The following C11orf65 variants were observed in gnomAD, a reference collection of about 807,000 sequenced individuals.
The protein encoded by C11orf65 is protein MFI.
C11orf65 carries 38 observed loss-of-function variants against 35.3 expected under a neutral mutation model. The ratio of observed to expected loss-of-function variants is 1.08; its 90% CI spans 0.83 to 1.41. C11orf65 has a LOEUF of 1.41. Among genes scored for constraint, C11orf65 ranks in the 40% most tolerant of loss-of-function variants. The probability of loss-of-function intolerance (pLI) is 0.00; values close to 1 mark genes in which losing one functional copy is unlikely to be tolerated. For missense variants in C11orf65, 370 were observed against 367.1 expected (o/e 1.01, Z -0.06); for synonymous variants, 105 against 114.4 (o/e 0.92, Z 0.53).
intron 2 of C11orf65, among the ~76,000 whole-genome samples, chr11:108,358,932 C>T (rs968204680): frequency 5.9e-4 from 90 of 151,780 alleles, no homozygotes; most frequent in Non-Finnish European, 9.9e-4. Context: ...CAGGATCAAA[C>T]TCCCACATAA....
At chr11:108,382,719 T>G, downstream of C11orf65, 1 of 951,810 alleles carries the variant, frequency 1.1e-6, no homozygotes, top group Non-Finnish European at 1.3e-6. Context: ...ACTAAATGCC[T>G]CAAGTAAACA....
Position 108,397,033 on chromosome 11 carries a change from TA to T in C11orf65, c.561-3656del, listed in dbSNP as rs2092328046. On this transcript the variant is annotated intron_variant, in intron 6 of 8. Coordinates refer to ENST00000393084, the MANE Select transcript of C11orf65 (RefSeq NM_152587.5). ...AAACTAATGATCTTTTAAAAAGACC[TA>T]AAATTGGCTAGGGTGGTGGCTCACG... 2.6e-5 allele frequency among the ~76,000 whole-genome samples: 4 copies of T among 151,830 alleles called. 1 individual carries two copies. The South Asian group carries it at 8.3e-4, about 32-fold the overall frequency.
chr11:108,342,708 C>G (rs1202252881), intron 2 of C11orf65, among the ~76,000 whole-genome samples: 1 of 152,102 alleles, frequency 6.6e-6, no homozygotes, highest in African/African-American at 2.4e-5. Context: ...AAAAAACTTT[C>G]CTAGTAAAGT....
intron 6 of C11orf65, among the ~76,000 whole-genome samples, chr11:108,315,658 TGAACTGTATTTCA>T (rs1280986257): frequency 6.6e-6 from 1 of 152,250 alleles, no homozygotes; most frequent in East Asian, 1.9e-4. Flanking sequence ...TCGTGTTGTT[TGAACTGTATTTCA>T]GAACTGTATT....
At chr11:108,384,325 G>C (rs1180401322) in intron 8 of C11orf65, among the ~76,000 whole-genome samples, 2 of 152,180 alleles carry the variant, frequency 1.3e-5, no homozygotes, top group African/African-American at 2.4e-5. Context: ...TTAATGCTAA[G>C]GATGGCTCAT....
intron 3 of C11orf65, chr11:108,332,917 GA>G (rs1338419767): frequency 6.2e-7 from 1 of 1,607,722 alleles, no homozygotes; most frequent in Admixed American, 1.7e-5. Flanking sequence ...TTTTTTTAAA[GA>G]AGAAACGTTA....
intron 2 of C11orf65, among the ~76,000 whole-genome samples, chr11:108,346,141 TAAA>T (rs1347058962): frequency 1.3e-5 from 2 of 152,132 alleles, no homozygotes; most frequent in Non-Finnish European, 2.9e-5. Context: ...CAATAAATAA[TAAA>T]AAGACAGGGT....
chr11:108,441,540 C>T (rs915912621), intron 2 of C11orf65, among the ~76,000 whole-genome samples: 12 of 152,200 alleles, frequency 7.9e-5, no homozygotes, highest in African/African-American at 2.2e-4. Flanking sequence ...GGGTCCCTGA[C>T]CCCCAAGTAG....
At chr11:108,417,001 T>C (rs1025989227) in intron 3 of C11orf65, among the ~76,000 whole-genome samples, 3 of 152,136 alleles carry the variant, frequency 2.0e-5, no homozygotes, top group African/African-American at 7.2e-5. Context: ...AAGTCAAATA[T>C]GCATGTTGCA....
At chr11:108,349,754 G>A (rs2088955352) in intron 2 of C11orf65, among the ~76,000 whole-genome samples, 1 of 152,198 alleles carries the variant, frequency 6.6e-6, no homozygotes, top group Non-Finnish European at 1.5e-5. Flanking sequence ...GACACATTTG[G>A]TCCTTGCTTT....
At chr11:108,335,309 AT>A in intron 2 of C11orf65, 1 of 1,476,598 alleles carries the variant, frequency 6.8e-7, no homozygotes, top group Non-Finnish European at 9.0e-7. Context: ...GACAATCATT[AT>A]TATATGGTTG....
intron 6 of C11orf65, chr11:108,321,243 T>G: frequency 6.2e-7 from 1 of 1,606,094 alleles, no homozygotes; most frequent in South Asian, 1.1e-5. Flanking sequence ...ATTTAAACAT[T>G]TATTTCCCTG....
intron 2 of C11orf65, among the ~76,000 whole-genome samples, chr11:108,369,612 T>G (rs2091490244): frequency 6.6e-6 from 1 of 152,210 alleles, no homozygotes; most frequent in African/African-American, 2.4e-5. Context: ...ATTTGGTAAG[T>G]AAGGAGATCT....
intron 6 of C11orf65, among the ~76,000 whole-genome samples, chr11:108,402,268 G>A (rs1376076564): frequency 6.6e-6 from 1 of 151,910 alleles, no homozygotes; most frequent in Non-Finnish European, 1.5e-5. Flanking sequence ...GGGAGAGTAA[G>A]GGTTCCCTAC....
intron 2 of C11orf65, among the ~76,000 whole-genome samples, chr11:108,357,614 C>T (rs1411042519): frequency 6.6e-6 from 1 of 152,174 alleles, no homozygotes; most frequent in Non-Finnish European, 1.5e-5. Context: ...AGGCAGACTG[C>T]CTCCTCAAGT....
At chr11:108,387,838 T>C (rs1372835806) in intron 7 of C11orf65, among the ~76,000 whole-genome samples, 1 of 152,224 alleles carries the variant, frequency 6.6e-6, no homozygotes, top group Non-Finnish European at 1.5e-5. Context: ...TATCCAACAG[T>C]ATTTAATTAC....
intron 2 of C11orf65, chr11:108,355,976 G>C (rs1474370842): frequency 6.6e-6 from 1 of 152,176 alleles, no homozygotes; most frequent in Non-Finnish European, 1.5e-5. Context: ...TGCTGAAATA[G>C]GTCCCAATAA....
intron 2 of C11orf65, among the ~76,000 whole-genome samples, chr11:108,432,689 T>A (rs2093006069): frequency 6.6e-6 from 1 of 152,156 alleles, no homozygotes; most frequent in Non-Finnish European, 1.5e-5. Context: ...AGTACCAATA[T>A]AACAATCTAA....
chr11:108,453,958 T>G (rs2093382703), intron 2 of C11orf65, among the ~76,000 whole-genome samples: 1 of 152,194 alleles, frequency 6.6e-6, no homozygotes, highest in South Asian at 2.1e-4. Context: ...TTTGAAAGAG[T>G]TTGAAAAGGG....
Sources: allele counts gnomAD v4.1 joint callset (sites outside exome capture counted in the v4.1 genomes callset), GRCh38; gene constraint gnomAD v4.1.1; transcripts MANE v1.5; gene names NCBI Gene and HGNC (gene_info 2026-07-23, HGNC 2026-07-21).